Variants in NRXN3 observed in about 807,000 individuals in gnomAD.
NRXN3 encodes neurexin 3.
A neutral mutation model predicts 137.6 loss-of-function variants in NRXN3; 32 were observed. The observed-to-expected ratio is 0.23, with a 90% confidence interval of 0.18 to 0.31. NRXN3 has a LOEUF of 0.31. Ranked by LOEUF, NRXN3 falls within the 10% of genes least tolerant of loss-of-function variation. NRXN3 has a pLI of 1.00. For missense variants in NRXN3, 1,574 were observed against 2,062.5 expected, an observed-to-expected ratio of 0.76 and a Z score of 4.59; for synonymous variants, 798 against 784.5, an observed-to-expected ratio of 1.02 and a Z score of -0.29.
At chr14:78,429,939 A>C (rs975098530) in intron 4 of NRXN3, among the ~76,000 whole-genome samples, 1 of 152,194 alleles carries the variant, frequency 6.6e-6, no homozygotes, top group Non-Finnish European at 1.5e-5. Context: ...GAGCATTAGA[A>C]TTGAAAGGGA....
intron 4 of NRXN3, among the ~76,000 whole-genome samples, chr14:78,313,001 A>G (rs1433066305): frequency 2.0e-5 from 3 of 152,198 alleles, no homozygotes; most frequent in African/African-American, 7.2e-5. Flanking sequence ...TGTGCGCTGC[A>G]TCTCTGTTTT....
chr14:79,241,883 A>G (rs2074360155), intron 15 of NRXN3, among the ~76,000 whole-genome samples: 1 of 152,102 alleles, frequency 6.6e-6, no homozygotes, highest in Non-Finnish European at 1.5e-5. Context: ...CCTGGGCAAC[A>G]TGGTGAAACC....
intron 4 of NRXN3, among the ~76,000 whole-genome samples, chr14:78,480,779 TAA>T (rs926801725): frequency 2.0e-5 from 3 of 152,152 alleles, no homozygotes; most frequent in Non-Finnish European, 4.4e-5. Flanking sequence ...CCCCTTTTAT[TAA>T]AAAATGGAGC....
chr14:79,578,898 G>A (rs2097689642), intron 16 of NRXN3, among the ~76,000 whole-genome samples: 3 of 152,048 alleles, frequency 2.0e-5, no homozygotes, highest in South Asian at 4.1e-4. Flanking sequence ...AGGGTATGTG[G>A]CTGTAAGTAA....
chr14:78,316,025 G>A (rs2153552459), intron 4 of NRXN3, among the ~76,000 whole-genome samples: 1 of 152,216 alleles, frequency 6.6e-6, no homozygotes, highest in East Asian at 1.9e-4. Context: ...CTAGAGGTTG[G>A]CCCATTGTAC....
At chr14:78,863,557 A>G (rs183606408) in intron 10 of NRXN3, among the ~76,000 whole-genome samples, 1 of 152,090 alleles carries the variant, frequency 6.6e-6, no homozygotes, top group Admixed American at 6.6e-5. Context: ...TCTTCAACCC[A>G]TGTTTAGCCA....
chr14:78,377,252 T>C (rs973545005), intron 4 of NRXN3, among the ~76,000 whole-genome samples: 1 of 152,006 alleles, frequency 6.6e-6, no homozygotes, highest in Non-Finnish European at 1.5e-5. Flanking sequence ...TGAAAGAAAA[T>C]AGGAGTGATG....
At position 79,234,328 on chromosome 14, in the gene NRXN3, AT is replaced by A. The variant is rs1568715021; in HGVS notation, c.3263-232892del. ...TATATATATATATATATATATATATATATATATATATAATATTTATATATAT... is the reference window on the plus strand; with the variant it reads ...TATATATATATATATATATATATATAATATATATATAATATTTATATATAT... On this transcript the variant is annotated intron_variant, in intron 15 of 20. Coordinates refer to ENST00000335750, the MANE Select transcript of NRXN3 (RefSeq NM_001330195.2). Among the ~76,000 whole-genome samples the A allele has an allele frequency of 1.2e-3, 130 of 110,468 alleles. 1 individual carries two copies. Among genetic ancestry groups the A allele is most frequent in the African/African-American group, 4.2e-3 (116 of 27,512 alleles). The allele number at this position is 110,468 out of a possible 152,430, so 72.5% of individuals were successfully genotyped here. A position where few individuals can be genotyped will look rare whatever the true frequency, so the allele number is the denominator to read the frequency against.
rs548298056 is a variant in NRXN3 at position 79,547,625 on chromosome 14, T to G, written c.3444+80223T>G. Among the ~76,000 whole-genome samples, 600 of 152,282 alleles carry G rather than the reference T, an allele frequency of 3.9e-3. 7 individuals are homozygous for G. The highest frequency in any genetic ancestry group is 5.4e-3 in the Non-Finnish European group (364 of 68,028). On this transcript the variant is annotated intron_variant, in intron 16 of 20. Transcript: ENST00000335750. ...CAAGCACAGCAGAGGCCAGTTTTAC[T>G]GCATGCTGGTGCTCAGAGGGAATAG...
chr14:79,257,358 G>GTGGTGGTGGTGGTGGTGGTGA (rs2076730397), intron 15 of NRXN3, among the ~76,000 whole-genome samples: 4 of 88,426 alleles, frequency 4.5e-5, no homozygotes, highest in African/African-American at 1.4e-4. Context: ...GGTGGTGGTG[G>GTGGTGGTGGTGGTGGTGGTGA]TGGTGGTGGT....
chr14:79,151,149 G>A (rs1364218545), intron 15 of NRXN3, among the ~76,000 whole-genome samples: 3 of 152,080 alleles, frequency 2.0e-5, no homozygotes, highest in Admixed American at 1.3e-4. Flanking sequence ...GATTGATGTT[G>A]AAATTTGATT....
intron 4 of NRXN3, among the ~76,000 whole-genome samples, chr14:78,471,291 AACACACACACACACAC>A (rs553942003): frequency 1.9e-4 from 18 of 96,750 alleles, no homozygotes; most frequent in African/African-American, 7.2e-4. Flanking sequence ...CAACACACTC[AACACACACACACACAC>A]ACACACACAC....
At chr14:79,580,037 G>A (rs58357059) in intron 16 of NRXN3, among the ~76,000 whole-genome samples, 3,034 of 152,186 alleles carry the variant, frequency 0.02, 113 homozygotes, top group African/African-American at 0.07. Context: ...GAGTGAGAAC[G>A]TGTGAAATGT....
chr14:79,288,915 G>T (rs1283852672), intron 15 of NRXN3, among the ~76,000 whole-genome samples: 2 of 152,024 alleles, frequency 1.3e-5, no homozygotes, highest in Non-Finnish European at 2.9e-5. Context: ...TTGAATGAAT[G>T]AATCAATGAA....
At chr14:78,314,743 G>C (rs1597210795) in intron 4 of NRXN3, among the ~76,000 whole-genome samples, 1 of 152,144 alleles carries the variant, frequency 6.6e-6, no homozygotes, top group Non-Finnish European at 1.5e-5. Flanking sequence ...CTGATCTTGT[G>C]TCATGCGTAT....
intron 15 of NRXN3, among the ~76,000 whole-genome samples, chr14:79,091,315 CA>C (rs751962681): frequency 1.1e-4 from 17 of 152,222 alleles, no homozygotes; most frequent in Middle Eastern, 3.4e-3. Context: ...AAGAAATTTG[CA>C]TTGATCTAAC....
chr14:78,580,587 C>A (rs1051727922), intron 4 of NRXN3, among the ~76,000 whole-genome samples: 3 of 152,200 alleles, frequency 2.0e-5, no homozygotes, highest in African/African-American at 7.2e-5. Context: ...GGAGTTTAGT[C>A]TCAATTTAAG....
At chr14:79,367,416 T>C (rs1349049814) in intron 15 of NRXN3, among the ~76,000 whole-genome samples, 5 of 152,204 alleles carry the variant, frequency 3.3e-5, no homozygotes, top group African/African-American at 4.8e-5. Flanking sequence ...AGTCTAATTT[T>C]TTAAAGTTTT....
At chr14:79,162,586 A>G (rs2060895530) in intron 15 of NRXN3, among the ~76,000 whole-genome samples, 1 of 151,868 alleles carries the variant, frequency 6.6e-6, no homozygotes, top group Admixed American at 6.6e-5. Context: ...CAGCCAAAAA[A>G]CACATGAAAA....
Sources: gnomAD v4.1 joint callset for allele counts (sites outside exome capture counted in the v4.1 genomes callset) on GRCh38, gnomAD v4.1.1 for gene constraint, MANE v1.5 for transcripts, NCBI Gene and HGNC (gene_info 2026-07-23, HGNC 2026-07-21) for gene names.